Variants in TAB2 observed in about 807,000 individuals in gnomAD.
TAB2 encodes TGF-beta-activated kinase 1 and MAP3K7-binding protein 2.
A neutral mutation model predicts 65.0 loss-of-function variants in TAB2; 3 were observed. That is an observed-to-expected ratio of 0.05 (90% confidence interval 0.02 to 0.12). The LOEUF (loss-of-function observed/expected upper bound fraction) is 0.12. Ranked by LOEUF, TAB2 falls within the 10% of genes least tolerant of loss-of-function variation. The pLI is 1.00. For missense variants in TAB2, 623 were observed against 840.3 expected (o/e 0.74, Z 3.20); for synonymous variants, 298 against 285.1 (o/e 1.05, Z -0.46).
intron 1 of TAB2, among the ~76,000 whole-genome samples, chr6:149,299,833 G>T (rs1230578230): frequency 2.1e-5 from 3 of 141,150 alleles, no homozygotes; most frequent in Admixed American, 2.1e-4. Context: ...ACATAGCACA[G>T]TTCTACAATT....
intron 1 of TAB2, among the ~76,000 whole-genome samples, chr6:149,237,866 A>C (rs1777529611): frequency 1.3e-5 from 2 of 152,056 alleles, no homozygotes; most frequent in African/African-American, 4.8e-5. Flanking sequence ...CCCCACTCCA[A>C]ATCAATTTGT....
intron 3 of TAB2, chr6:149,379,983 T>A (rs1017740544): frequency 2.2e-6 from 1 of 451,074 alleles, no homozygotes; most frequent in Non-Finnish European, 4.5e-6. Flanking sequence ...CTCACGCCTG[T>A]AATTCCAGTG....
intron 1 of TAB2, among the ~76,000 whole-genome samples, chr6:149,286,395 T>C (rs1778676855): frequency 6.6e-6 from 1 of 152,250 alleles, no homozygotes; most frequent in Non-Finnish European, 1.5e-5. Flanking sequence ...TTGATATTAT[T>C]CTACTTTGCT....
intron 1 of TAB2, among the ~76,000 whole-genome samples, chr6:149,251,970 T>G (rs886542226): frequency 2.7e-5 from 4 of 147,426 alleles, no homozygotes; most frequent in Non-Finnish European, 6.0e-5. Flanking sequence ...TGTTTTGTTT[T>G]CTTTTTTATA....
chr6:149,380,312 G>GT (rs1230860560), intron 3 of TAB2, among the ~76,000 whole-genome samples: 2 of 152,212 alleles, frequency 1.3e-5, no homozygotes, highest in Non-Finnish European at 2.9e-5. Flanking sequence ...CTATTACTGC[G>GT]TAAGTATTAG....
intron 6 of TAB2, among the ~76,000 whole-genome samples, chr6:149,406,077 G>T (rs1161021114): frequency 2.0e-5 from 3 of 152,156 alleles, no homozygotes; most frequent in Non-Finnish European, 4.4e-5. Context: ...AGCAAAACAA[G>T]TTTTCATTCA....
intron 1 of TAB2, among the ~76,000 whole-genome samples, chr6:149,236,497 C>A (rs1334092410): frequency 6.6e-6 from 1 of 152,172 alleles, no homozygotes; most frequent in Non-Finnish European, 1.5e-5. Flanking sequence ...CAAATGAGAA[C>A]CCAATACAAC....
chr6:149,321,236 G>A (rs907450695), intron 1 of TAB2: 4 of 152,120 alleles, frequency 2.6e-5, no homozygotes, highest in African/African-American at 7.2e-5. Context: ...TGGAGACATT[G>A]AAATTATATA....
intron 6 of TAB2, among the ~76,000 whole-genome samples, chr6:149,406,969 G>A (rs1562458417): frequency 1.3e-5 from 2 of 152,102 alleles, no homozygotes; most frequent in Non-Finnish European, 2.9e-5. Context: ...CACCCGTCTC[G>A]GCCTCCCAAA....
intron 1 of TAB2, among the ~76,000 whole-genome samples, chr6:149,334,487 T>A (rs2114761416): frequency 6.6e-6 from 1 of 152,204 alleles, no homozygotes; most frequent in Middle Eastern, 3.4e-3. Flanking sequence ...GAGACCAGCC[T>A]GGGCAACATA....
chr6:149,381,195 G>A (rs889874887), intron 3 of TAB2, among the ~76,000 whole-genome samples: 9 of 152,236 alleles, frequency 5.9e-5, no homozygotes, highest in Non-Finnish European at 1.0e-4. Context: ...GGGTACATGA[G>A]TGATTTCAAT....
intron 3 of TAB2, among the ~76,000 whole-genome samples, chr6:149,394,211 C>T (rs988900905): frequency 2.0e-5 from 3 of 151,952 alleles, no homozygotes; most frequent in African/African-American, 7.3e-5. Flanking sequence ...TAAGTCTGTC[C>T]AAGGAATTCT....
At chr6:149,405,780 G>C (rs1782643385) in intron 6 of TAB2, among the ~76,000 whole-genome samples, 1 of 152,120 alleles carries the variant, frequency 6.6e-6, no homozygotes, top group Non-Finnish European at 1.5e-5. Context: ...AAGGGGTACA[G>C]AGTTTCAACT....
At chr6:149,303,685 G>A (rs1485775112) in intron 1 of TAB2, among the ~76,000 whole-genome samples, 1 of 152,098 alleles carries the variant, frequency 6.6e-6, no homozygotes, top group Non-Finnish European at 1.5e-5. Flanking sequence ...TATTGATTTT[G>A]TTCAATCCAC....
chr6:149,219,265 A>C (rs1305312458), intron 1 of TAB2, among the ~76,000 whole-genome samples: 1 of 151,840 alleles, frequency 6.6e-6, no homozygotes, highest in Non-Finnish European at 1.5e-5. Context: ...ATCCGCTTCC[A>C]GGGTTAACTT....
intron 1 of TAB2, chr6:149,255,550 A>G (rs1245969555): frequency 3.3e-5 from 5 of 152,214 alleles, no homozygotes; most frequent in African/African-American, 1.2e-4. Flanking sequence ...GTATTTTTCC[A>G]GATTTATCAT....
chr6:149,290,807 T>A (rs1380003849), intron 1 of TAB2, among the ~76,000 whole-genome samples: 1 of 152,154 alleles, frequency 6.6e-6, no homozygotes, highest in Non-Finnish European at 1.5e-5. Context: ...ATCGTGCCAC[T>A]GCACTCCAGC....
At chr6:149,233,532 G>A (rs1777443873) in intron 1 of TAB2, among the ~76,000 whole-genome samples, 1 of 152,114 alleles carries the variant, frequency 6.6e-6, no homozygotes, top group South Asian at 2.1e-4. Context: ...GGCCAGAAGT[G>A]GTTTTTTATC....
intron 1 of TAB2, among the ~76,000 whole-genome samples, chr6:149,281,186 A>T (rs1003314115): frequency 6.6e-6 from 1 of 152,146 alleles, no homozygotes; most frequent in African/African-American, 2.4e-5. Flanking sequence ...CAATATTATA[A>T]AAATATTTGA....
Sources: allele counts gnomAD v4.1 joint callset (sites outside exome capture counted in the v4.1 genomes callset), GRCh38; gene constraint gnomAD v4.1.1; transcripts MANE v1.5; gene names NCBI Gene and HGNC (gene_info 2026-07-23, HGNC 2026-07-21).